The following TSPEAR variants were observed in gnomAD, a reference collection of about 807,000 sequenced individuals.
The protein encoded by TSPEAR is thrombospondin-type laminin G domain and EAR repeat-containing protein.
A neutral mutation model predicts 71.6 loss-of-function variants in TSPEAR; 69 were observed. That is an observed-to-expected ratio of 0.96 (90% CI 0.79 to 1.18). TSPEAR has a LOEUF of 1.18. TSPEAR is among the 50% of genes most tolerant of loss of function. The pLI, the probability that TSPEAR is intolerant of heterozygous loss-of-function variation, is 0.00. For missense variants in TSPEAR, 971 were observed against 894.9 expected, an observed-to-expected ratio of 1.09 and a Z score of -1.09; for synonymous variants, 402 against 387.2, an observed-to-expected ratio of 1.04 and a Z score of -0.45.
At position 44,612,512 on chromosome 21, in the gene TSPEAR, T is replaced by TC. The variant is rs1569219126; in HGVS notation, c.83-44508_83-44507insG. On this transcript the variant is annotated intron_variant, in intron 1 of 11. Transcript: ENST00000323084. This position sits in a 1 kb window ranked among gnomAD's most constrained non-coding sequence, Gnocchi z 4.1. ...CAAGCCCGTGTGCTGCGTGTCCATC[T>TC]GCTCTGGAGCTTCCTCCCCATGCTG... 5.0e-6 allele frequency: 8 copies of TC among 1,609,754 alleles called. No individual in the cohort carries two copies. Among genetic ancestry groups the TC allele is most frequent in the Non-Finnish European group, 6.8e-6 (8 of 1,177,050 alleles).
rs183423926 is a variant in TSPEAR at position 44,538,536 on chromosome 21, C to T, written c.304-4613G>A. 1.1e-3 allele frequency among the ~76,000 whole-genome samples: 174 copies of T among 152,110 alleles called. 1 individual carries two copies. Among genetic ancestry groups the T allele is most frequent in the African/African-American group, 3.4e-3 (143 of 41,468 alleles). ...TTCCCATCGAGTCCCTTGTCTCCTG[C>T]GCAGGTGCAGCAGCCCCTCCCTCTC... On this transcript the variant is annotated intron_variant, in intron 2 of 11. Transcript: ENST00000323084.
chr21:44,580,626 A>G, intron 1 of TSPEAR: 4 of 1,564,816 alleles, frequency 2.6e-6, no homozygotes, highest in Non-Finnish European at 3.5e-6. Flanking sequence ...GGTGTGAGTG[A>G]GTGAGTGTGT....
At chr21:44,592,484 T>C (rs1270022060) in intron 1 of TSPEAR, 3 of 1,607,094 alleles carry the variant, frequency 1.9e-6, no homozygotes, top group African/African-American at 2.7e-5. Flanking sequence ...GACGCGGCCA[T>C]GCTGGGGTTG....
intron 2 of TSPEAR, among the ~76,000 whole-genome samples, chr21:44,567,024 G>A (rs1555921826): frequency 6.6e-6 from 1 of 152,080 alleles, no homozygotes; most frequent in Non-Finnish European, 1.5e-5. Flanking sequence ...CATCATCATG[G>A]TTTAAACATT....
At chr21:44,637,409 C>A in intron 1 of TSPEAR, 3 of 1,596,864 alleles carry the variant, frequency 1.9e-6, no homozygotes, top group East Asian at 2.2e-5. Flanking sequence ...ACCGCCTCCC[C>A]ACTCCAGCAT....
At chr21:44,577,277 A>G (rs1555924103) in intron 1 of TSPEAR, among the ~76,000 whole-genome samples, 1 of 152,216 alleles carries the variant, frequency 6.6e-6, no homozygotes, top group African/African-American at 2.4e-5. Context: ...AATAATCAAG[A>G]ATTTAAAAAC....
At chr21:44,648,657 G>A (rs762434) in intron 1 of TSPEAR, among the ~76,000 whole-genome samples, 1,773 of 152,286 alleles carry the variant, frequency 0.012, 41 homozygotes, top group African/African-American at 0.04. Flanking sequence ...ACATTGCTGA[G>A]GCCAAGCCGC....
chr21:44,534,601 C>T (rs1196842625), intron 2 of TSPEAR, among the ~76,000 whole-genome samples: 1 of 152,036 alleles, frequency 6.6e-6, no homozygotes, highest in Non-Finnish European at 1.5e-5. Flanking sequence ...GGCACCCCCA[C>T]ACACTAGGAT....
intron 9 of TSPEAR, chr21:44,510,609 G>A (rs1041630483): frequency 2.0e-5 from 3 of 151,720 alleles, no homozygotes; most frequent in Non-Finnish European, 2.9e-5. Context: ...CGGCTCAGGT[G>A]CTGCAGGAAA....
chr21:44,647,722 C>CA, intron 1 of TSPEAR: 1 of 315,940 alleles, frequency 3.2e-6, no homozygotes, highest in Non-Finnish European at 6.2e-6. Context: ...GTGTGGGACC[C>CA]ACTGTCTTGT....
intron 1 of TSPEAR, chr21:44,637,881 T>C (rs782244705): frequency 1.3e-6 from 2 of 1,529,452 alleles, no homozygotes; most frequent in Non-Finnish European, 1.8e-6. Context: ...TCTAAGTCCG[T>C]CTGCTATGTG....
chr21:44,710,356 C>T lies in TSPEAR; in HGVS notation c.82+1077G>A, dbSNP rs1381029069. 6.6e-6 allele frequency among the ~76,000 whole-genome samples: 1 copy of T among 152,042 alleles called. No homozygotes were observed. The highest frequency in any genetic ancestry group is 1.5e-5 in the Non-Finnish European group (1 of 67,978). On this transcript the variant is annotated intron_variant, in intron 1 of 11. Transcript: ENST00000323084. This position sits in a 1 kb window ranked among gnomAD's most constrained non-coding sequence, Gnocchi z 4.6. ...GTCTACCTACCTCCCACTGCACAGC[C>T]CGAGGGCTGTCCTGGAGGCACAGCC... is the stretch of plus-strand genomic sequence containing the variant.
Position 44,590,017 on chromosome 21 carries a change from G to A in TSPEAR, c.83-22012C>T, listed in dbSNP as rs1174075549. Among the ~76,000 whole-genome samples, 3 of 152,276 alleles carry A rather than the reference G, an allele frequency of 2.0e-5. No individual in the cohort carries two copies. The East Asian group carries it at 5.8e-4, about 29-fold the overall frequency. On this transcript the variant is annotated intron_variant, in intron 1 of 11. Coordinates refer to ENST00000323084, the MANE Select transcript of TSPEAR (RefSeq NM_144991.3). ...TGCTTCCAAGGAGGTGGACAAGGCT[G>A]TGTCAGTTTGGCCTCCGGCCCTGGG...
intron 1 of TSPEAR, among the ~76,000 whole-genome samples, chr21:44,588,701 T>TTTATATATTTATAC (rs139256853): frequency 0.85 from 121,612 of 142,706 alleles, 51,962 homozygotes; most frequent in Middle Eastern, 0.89. Context: ...TATATATTTA[T>TTTATATATTTATAC]ATATATAAAC....
chr21:44,659,162 C>T (rs1985345159), intron 1 of TSPEAR, among the ~76,000 whole-genome samples: 1 of 152,182 alleles, frequency 6.6e-6, no homozygotes, highest in Non-Finnish European at 1.5e-5. Context: ...GCTCAATAAG[C>T]AACGTCAGCC....
Position 44,529,778 on chromosome 21 carries a change from C to T in TSPEAR, c.790+20G>A, listed in dbSNP as rs201656271. On this transcript the variant is annotated intron_variant, in intron 5 of 11. Coordinates refer to ENST00000323084, the MANE Select transcript of TSPEAR (RefSeq NM_144991.3). ...CTCGCATCTGCCTTTGGTGTGGGGG[C>T]GGGTGGCCCCCCTACTAACCATAGG... 225 of 1,612,886 alleles carry T rather than the reference C, an allele frequency of 1.4e-4. 2 individuals are homozygous for T. Among genetic ancestry groups the T allele is most frequent in the Non-Finnish European group, 1.8e-4 (208 of 1,179,598 alleles).
chr21:44,598,191 T>C (rs1980496985), intron 1 of TSPEAR, among the ~76,000 whole-genome samples: 1 of 152,204 alleles, frequency 6.6e-6, no homozygotes, highest in African/African-American at 2.4e-5. Flanking sequence ...AAAGACTGGC[T>C]CTCTAGTTTC....
chr21:44,709,882 A>G (rs368083548), intron 1 of TSPEAR, among the ~76,000 whole-genome samples: 369 of 152,352 alleles, frequency 2.4e-3, no homozygotes, highest in African/African-American at 8.3e-3. Context: ...ATGCAGCTCA[A>G]TATTACTTAC....
intron 1 of TSPEAR, among the ~76,000 whole-genome samples, chr21:44,709,444 A>T (rs1988103551): frequency 6.6e-6 from 1 of 152,240 alleles, no homozygotes. Context: ...AAAGCCTGGC[A>T]GTCACTTGAA....
Sources: gnomAD v4.1 joint callset for allele counts (sites outside exome capture counted in the v4.1 genomes callset) on GRCh38, gnomAD v4.1.1 for gene constraint, Gnocchi (gnomAD v3.1) non-coding constraint, MANE v1.5 for transcripts, NCBI Gene and HGNC (gene_info 2026-07-23, HGNC 2026-07-21) for gene names.